TBC1D1: variants seen among roughly 807,000 people sequenced by gnomAD.
TBC1D1 encodes TBC1 domain family member 1, also known as TBC1 (tre-2/USP6, BUB2, cdc16) domain family, member 1.
In TBC1D1, 89 loss-of-function variants were observed where a neutral mutation model predicts 125.6. The ratio of observed to expected loss-of-function variants is 0.71; its 90% CI spans 0.60 to 0.85. The LOEUF (loss-of-function observed/expected upper bound fraction) is 0.85. Ranked by LOEUF, TBC1D1 falls within the 40% of genes least tolerant of loss-of-function variation. The probability of loss-of-function intolerance (pLI) is 0.00; values close to 1 mark genes in which losing one functional copy is unlikely to be tolerated. For missense variants in TBC1D1, 1,377 were observed against 1,469.2 expected (o/e 0.94, Z 1.03); for synonymous variants, 565 against 564.1 (o/e 1.00, Z -0.02).
intron 14 of TBC1D1, among the ~76,000 whole-genome samples, 194 bp downstream of exon 16, chr4:38,096,284 T>G (rs1225656287): frequency 3.3e-5 from 5 of 152,214 alleles, no homozygotes; most frequent in African/African-American, 1.2e-4. Flanking sequence ...TTAATTAAAA[T>G]TCCCAGAAGG....
At chr4:37,927,800 C>T (rs918939536) in intron 2 of TBC1D1, among the ~76,000 whole-genome samples, 8 of 152,226 alleles carry the variant, frequency 5.3e-5, no homozygotes, top group Admixed American at 1.3e-4. Flanking sequence ...AGGAGGCTGA[C>T]GCGGGAGGAT....
chr4:37,909,881 CTT>C, intron 2 of TBC1D1, among the ~76,000 whole-genome samples: 1 of 152,286 alleles, frequency 6.6e-6, no homozygotes, highest in Non-Finnish European at 1.5e-5. Flanking sequence ...CTAATCAGCA[CTT>C]GACTGTCTGT....
intron 12 of TBC1D1, among the ~76,000 whole-genome samples, chr4:38,057,273 G>A (rs1232380065): frequency 1.3e-5 from 2 of 152,156 alleles, no homozygotes; most frequent in Non-Finnish European, 2.9e-5. Flanking sequence ...CCCGAGCCCT[G>A]GCACAGGCTA....
intron 13 of TBC1D1, among the ~76,000 whole-genome samples, chr4:38,095,709 G>A (rs530640146): frequency 1.3e-5 from 2 of 152,152 alleles, no homozygotes; most frequent in Non-Finnish European, 2.9e-5. Flanking sequence ...AGTATGTTGG[G>A]GGTGAAGGGG....
At chr4:37,988,867 C>T (rs1314204325) in intron 2 of TBC1D1, among the ~76,000 whole-genome samples, 1 of 152,126 alleles carries the variant, frequency 6.6e-6, no homozygotes, top group Non-Finnish European at 1.5e-5. Context: ...TTACACCTTC[C>T]TCTCTCTGGA....
intron 7 of TBC1D1, among the ~76,000 whole-genome samples, chr4:38,034,726 G>T (rs1055045677): frequency 7.9e-5 from 12 of 152,240 alleles, no homozygotes; most frequent in African/African-American, 2.9e-4. Flanking sequence ...ATGGATACTT[G>T]TCAACATAAA....
chr4:37,971,492 G>A (rs1354510632), intron 2 of TBC1D1, among the ~76,000 whole-genome samples: 2 of 152,086 alleles, frequency 1.3e-5, no homozygotes. Flanking sequence ...ATGAGAACAG[G>A]ATGAGGGAAA....
chr4:38,051,119 A>T (rs1043389144), intron 11 of TBC1D1, among the ~76,000 whole-genome samples: 3 of 152,170 alleles, frequency 2.0e-5, no homozygotes, highest in African/African-American at 7.2e-5. Flanking sequence ...GGAGAGTCCT[A>T]GTTCTCTTGT....
intron 12 of TBC1D1, among the ~76,000 whole-genome samples, chr4:38,058,104 C>T (rs1007984190): frequency 6.6e-6 from 1 of 152,174 alleles, no homozygotes; most frequent in African/African-American, 2.4e-5. Flanking sequence ...ACGTACTTGC[C>T]TTCAGTCAAT....
chr4:38,040,139 T>C (rs569554628), intron 8 of TBC1D1, among the ~76,000 whole-genome samples: 27 of 152,276 alleles, frequency 1.8e-4, no homozygotes, highest in African/African-American at 6.5e-4. Context: ...TTTTTGATAG[T>C]AGGGGAGAGC....
intron 2 of TBC1D1, among the ~76,000 whole-genome samples, chr4:38,002,559 T>C (rs938955413): frequency 1.6e-4 from 25 of 152,358 alleles, no homozygotes; most frequent in Admixed American, 1.6e-3. Context: ...TTAGATCGTT[T>C]TGCATTGCAA....
At chr4:37,958,199 A>G (rs1729273199) in intron 2 of TBC1D1, among the ~76,000 whole-genome samples, 1 of 149,462 alleles carries the variant, frequency 6.7e-6, no homozygotes, top group South Asian at 2.1e-4. Context: ...GGAAAAAAGT[A>G]TGCTTCATAT....
At chr4:38,083,217 AC>A (rs907398663) in intron 12 of TBC1D1, among the ~76,000 whole-genome samples, 3 of 152,218 alleles carry the variant, frequency 2.0e-5, no homozygotes, top group Non-Finnish European at 4.4e-5. Context: ...ATATGAGATC[AC>A]TTTTGCTTAA....
At chr4:38,132,851 C>A (rs192520248) in intron 18 of TBC1D1, 9 of 212,284 alleles carry the variant, frequency 4.2e-5, no homozygotes, top group Non-Finnish European at 4.9e-5. Context: ...AAAACCTGTA[C>A]TTAATGTTAC....
Position 37,902,396 on chromosome 4 carries a change from G to T in TBC1D1, c.301G>T (p.Val101Phe). The T allele has an allele frequency of 1.2e-6, 2 of 1,614,204 alleles. No homozygotes were observed. Among genetic ancestry groups the T allele is most frequent in the Non-Finnish European group, 1.7e-6 (2 of 1,180,038 alleles). ...CATCTTTGAGTGCAAGCCTCAGCGT[G>T]TTCACAAACTGATTCACAACAGTCA... Residue 101 changes from valine to phenylalanine, a missense_variant, in exon 2 of 20, where the codon GTT becomes TTT. Val to Phe is a conservative substitution (Grantham distance 50). Around this residue, in one of 3 missense-constraint regions of TBC1D1, gnomAD observed 822 missense variants for 824.6 expected, o/e 1.00. Coordinates refer to ENST00000261439, the MANE Select transcript of TBC1D1 (RefSeq NM_015173.4).
At chr4:38,051,761 G>C (rs1750594592) in intron 11 of TBC1D1, 138 bp from the exon 12 acceptor site, 1 of 777,918 alleles carries the variant, frequency 1.3e-6, no homozygotes. Context: ...AAAAGGAGTG[G>C]AAGAAGTCCT....
Position 37,892,642 on chromosome 4 carries a change from G to A in TBC1D1, c.-94+1294G>A, listed in dbSNP as rs6827580. On this transcript the variant is annotated intron_variant, in intron 1 of 19. Transcript: ENST00000261439. Reference sequence around the variant, plus strand: ...GTGTAGTTATAAATTATTACATTACGTTTTCAAAGGAAAATTTTGCAAATG... The same window carrying A: ...GTGTAGTTATAAATTATTACATTACATTTTCAAAGGAAAATTTTGCAAATG... 9.9e-3 allele frequency among the ~76,000 whole-genome samples: 1,504 copies of A among 152,224 alleles called. 24 individuals are homozygous for A. Among genetic ancestry groups the A allele is most frequent in the African/African-American group, 0.035 (1,443 of 41,524 alleles).
rs539897787 is a variant in TBC1D1, at chr4:38,108,475, G to A, written c.2557+5318G>A. ...TAGTTTTATTAATCTGCATATTATA[G>A]GTCAGTAAGGGGATGGCACAGTTTA... is the stretch of plus-strand genomic sequence containing the variant. On this transcript the variant is annotated intron_variant, in intron 15 of 19. Coordinates refer to ENST00000261439, the MANE Select transcript of TBC1D1 (RefSeq NM_015173.4). Among the ~76,000 whole-genome samples the A allele has an allele frequency of 2.6e-5, 4 of 152,358 alleles. No individual in the cohort carries two copies. In the South Asian group the frequency reaches 8.3e-4, roughly 32 times the overall value.
chr4:37,953,138 A>G (rs1728230728), intron 2 of TBC1D1, among the ~76,000 whole-genome samples: 1 of 152,200 alleles, frequency 6.6e-6, no homozygotes, highest in Non-Finnish European at 1.5e-5. Context: ...GCCTTTTCCG[A>G]CAAGTTTGGA....
Sources: gnomAD v4.1 joint callset for allele counts (sites outside exome capture counted in the v4.1 genomes callset) on GRCh38, gnomAD v4.1.1 for gene constraint, gnomAD v4.1.1 regional missense constraint, MANE v1.5 for transcripts, NCBI Gene and HGNC (gene_info 2026-07-23, HGNC 2026-07-21) for gene names.